GALNT17: variants seen among roughly 807,000 people sequenced by gnomAD.
GALNT17 encodes UDP-GalNAc:polypeptide N-acetylgalactosaminyltransferase-like 3.
Under a neutral mutation model 63.7 loss-of-function variants are expected in GALNT17, and 29 were observed. That is an observed-to-expected ratio of 0.46 (90% confidence interval 0.34 to 0.62). The LOEUF is 0.62. Ranked by LOEUF, GALNT17 falls within the 20% of genes least tolerant of loss-of-function variation. The pLI, the probability that GALNT17 is intolerant of heterozygous loss-of-function variation, is 0.01. For synonymous variants in GALNT17, 305 were observed against 318.3 expected (o/e 0.96, Z 0.45); for missense variants, 603 against 799.6 (o/e 0.75, Z 2.97).
intron 1 of GALNT17, among the ~76,000 whole-genome samples, chr7:71,188,853 T>A (rs1419613401): frequency 6.6e-6 from 1 of 152,166 alleles, no homozygotes; most frequent in African/African-American, 2.4e-5. Flanking sequence ...CACAGGCATA[T>A]CTCACAAAAA....
At chr7:71,214,868 G>A (rs918449361) in intron 1 of GALNT17, among the ~76,000 whole-genome samples, 6 of 152,208 alleles carry the variant, frequency 3.9e-5, no homozygotes, top group African/African-American at 1.2e-4. Flanking sequence ...GTGAGCCACC[G>A]CACCTGGCCT....
chr7:71,319,094 T>TTCTTTCTTTC (rs372024382), intron 1 of GALNT17, among the ~76,000 whole-genome samples: 2 of 49,170 alleles, frequency 4.1e-5, no homozygotes, highest in African/African-American at 1.0e-4. Context: ...CTATTTTTGT[T>TTCTTTCTTTC]TATCTTTCTT....
At chr7:71,635,707 G>A (rs1006538700) in intron 6 of GALNT17, among the ~76,000 whole-genome samples, 1 of 152,218 alleles carries the variant, frequency 6.6e-6, no homozygotes. Context: ...TTACTCCATA[G>A]GCAGGGCTGC....
intron 6 of GALNT17, among the ~76,000 whole-genome samples, chr7:71,583,727 GCACA>G (rs969364342): frequency 2.1e-4 from 6 of 28,360 alleles, no homozygotes; most frequent in African/African-American, 3.5e-4. Context: ...GAACACACAT[GCACA>G]CACACACACA....
chr7:71,203,491 T>C (rs999432357), intron 1 of GALNT17, among the ~76,000 whole-genome samples: 2 of 152,054 alleles, frequency 1.3e-5, no homozygotes, highest in African/African-American at 4.8e-5. Flanking sequence ...AATTAGGTCA[T>C]TTATTTCTTT....
intron 1 of GALNT17, among the ~76,000 whole-genome samples, chr7:71,244,592 G>T (rs963579147): frequency 1.3e-5 from 2 of 152,158 alleles, no homozygotes; most frequent in African/African-American, 4.8e-5. Flanking sequence ...GGAATGAAGA[G>T]AGATTACGTG....
intron 1 of GALNT17, among the ~76,000 whole-genome samples, chr7:71,243,023 A>G (rs1215774920): frequency 1.3e-5 from 2 of 152,304 alleles, no homozygotes; most frequent in East Asian, 3.9e-4. Context: ...CCCAAATCTC[A>G]TCTTGAATTG....
At chr7:71,230,982 T>C (rs577527349) in intron 1 of GALNT17, among the ~76,000 whole-genome samples, 39 of 152,210 alleles carry the variant, frequency 2.6e-4, no homozygotes, top group Non-Finnish European at 5.1e-4. Context: ...ACAAGCCCTC[T>C]GGGTAATACT....
At chr7:71,318,424 G>T (rs117838423) in intron 1 of GALNT17, among the ~76,000 whole-genome samples, 85,022 of 138,340 alleles carry the variant, frequency 0.61, 26,687 homozygotes, top group African/African-American at 0.69. Flanking sequence ...TTTTTTTTGT[G>T]TGTGTGTGGG....
chr7:71,540,092 C>CATTT (rs1202520298), intron 5 of GALNT17, among the ~76,000 whole-genome samples: 31 of 59,954 alleles, frequency 5.2e-4, no homozygotes, highest in Non-Finnish European at 1.0e-3. Flanking sequence ...CTGTGCCTGG[C>CATTT]CTTTTTTTTT....
chr7:71,597,534 A>ATAAATAAATAAG (rs1229600677), intron 6 of GALNT17, among the ~76,000 whole-genome samples: 6 of 151,890 alleles, frequency 4.0e-5, no homozygotes, highest in Non-Finnish European at 8.8e-5. Context: ...AAATAAATAA[A>ATAAATAAATAAG]TAAGTAAATA....
intron 5 of GALNT17, among the ~76,000 whole-genome samples, chr7:71,429,114 C>A (rs1034854138): frequency 6.6e-6 from 1 of 152,154 alleles, no homozygotes; most frequent in South Asian, 2.1e-4. Context: ...TTTAATACAG[C>A]ATCTATTGTC....
chr7:71,139,401 C>T (rs531411579), intron 1 of GALNT17, among the ~76,000 whole-genome samples: 35 of 152,234 alleles, frequency 2.3e-4, no homozygotes, highest in African/African-American at 7.0e-4. Context: ...GAAATGCAAT[C>T]GATTCAACTT....
intron 1 of GALNT17, among the ~76,000 whole-genome samples, chr7:71,203,513 G>A (rs1454722563): frequency 2.6e-5 from 4 of 152,142 alleles, no homozygotes; most frequent in Admixed American, 2.6e-4. Flanking sequence ...CTCTTGAGCT[G>A]TTCAAGTTCC....
chr7:71,144,751 A>C (rs1329304150), intron 1 of GALNT17, among the ~76,000 whole-genome samples: 1 of 151,674 alleles, frequency 6.6e-6, no homozygotes, highest in African/African-American at 2.4e-5. Flanking sequence ...TTTGTTTTTG[A>C]TGGAGTCTCT....
At chr7:71,311,667 A>G (rs950924008) in intron 1 of GALNT17, among the ~76,000 whole-genome samples, 3 of 152,160 alleles carry the variant, frequency 2.0e-5, no homozygotes, top group African/African-American at 7.2e-5. Context: ...TCATGGACAC[A>G]GTTGGGAGAG....
At chr7:71,545,013 CAG>C (rs779359577) in intron 5 of GALNT17, among the ~76,000 whole-genome samples, 1 of 152,130 alleles carries the variant, frequency 6.6e-6, no homozygotes, top group Non-Finnish European at 1.5e-5. Context: ...CTGTTGGCAA[CAG>C]GGAGAAATTG....
intron 1 of GALNT17, among the ~76,000 whole-genome samples, chr7:71,324,735 G>A (rs1199043078): frequency 7.1e-6 from 1 of 141,096 alleles, no homozygotes; most frequent in Admixed American, 7.4e-5. Context: ...ATGTATATAT[G>A]AATTTAAAAA....
chr7:71,558,028 C>T (rs762219575), intron 5 of GALNT17, among the ~76,000 whole-genome samples: 10 of 152,100 alleles, frequency 6.6e-5, no homozygotes, highest in African/African-American at 9.7e-5. Context: ...GAGCTGAGAT[C>T]ACGCCACTGC....
Sources: allele counts gnomAD v4.1 joint callset (sites outside exome capture counted in the v4.1 genomes callset), GRCh38; gene constraint gnomAD v4.1.1; transcripts MANE v1.5; gene names NCBI Gene and HGNC (gene_info 2026-07-23, HGNC 2026-07-21).